LARP1B: variants seen among roughly 807,000 people sequenced by gnomAD.
The protein encoded by LARP1B is la-related protein 1B.
Under a neutral mutation model 114.2 loss-of-function variants are expected in LARP1B, and 76 were observed. That is an observed-to-expected ratio of 0.67 (90% CI 0.55 to 0.81). The LOEUF is 0.81. Among genes scored for constraint, LARP1B ranks in the 30% least tolerant of loss-of-function variants. LARP1B has a pLI of 0.00. For missense variants in LARP1B, 1,014 were observed against 1,075.8 expected (o/e 0.94, Z 0.80); for synonymous variants, 345 against 348.0 (o/e 0.99, Z 0.10).
At chr4:128,207,416 A>G in intron 19 of LARP1B, 33 bp downstream of exon 19, 1 of 1,388,050 alleles carries the variant, frequency 7.2e-7, no homozygotes, top group Non-Finnish European at 9.5e-7. Context: ...TATTCTTTTT[A>G]TTATCCATAT....
intron 3 of LARP1B, among the ~76,000 whole-genome samples, chr4:128,076,616 G>A (rs1018371780): frequency 6.6e-6 from 1 of 152,112 alleles, no homozygotes; most frequent in Non-Finnish European, 1.5e-5. Flanking sequence ...ATGTAACTAG[G>A]TTGGATCACT....
chr4:128,153,009 T>G (rs1391940561), intron 11 of LARP1B, among the ~76,000 whole-genome samples: 17 of 137,342 alleles, frequency 1.2e-4, no homozygotes, highest in African/African-American at 4.4e-4. Context: ...TGAGATGGAG[T>G]TTTGCTCTTG....
intron 17 of LARP1B, 43 bp from the exon 18 acceptor site, chr4:128,206,385 A>C: frequency 1.8e-6 from 2 of 1,140,024 alleles, no homozygotes; most frequent in Non-Finnish European, 2.5e-6. Flanking sequence ...CTAACTATAG[A>C]GATATTGTAT....
intron 5 of LARP1B, among the ~76,000 whole-genome samples, chr4:128,084,371 C>T (rs970468109): frequency 7.9e-5 from 12 of 152,380 alleles, no homozygotes; most frequent in African/African-American, 2.4e-4. Context: ...TCTGCAATCC[C>T]GGCACCTCCG....
intron 1 of LARP1B, among the ~76,000 whole-genome samples, chr4:128,065,360 C>CTTTCT (rs1762388240): frequency 1.7e-5 from 2 of 118,160 alleles, no homozygotes; most frequent in Non-Finnish European, 3.6e-5. Context: ...CTTTTCTTTT[C>CTTTCT]TTTTCTTTTC....
At chr4:128,146,269 G>A (rs1330296493) in intron 11 of LARP1B, among the ~76,000 whole-genome samples, 3 of 152,100 alleles carry the variant, frequency 2.0e-5, no homozygotes, top group Non-Finnish European at 2.9e-5. Context: ...GTATACAGTG[G>A]TATGGTATTT....
intron 11 of LARP1B, among the ~76,000 whole-genome samples, chr4:128,137,791 A>ATATATAT (rs1414155026): frequency 2.2e-4 from 14 of 63,562 alleles, no homozygotes; most frequent in African/African-American, 6.7e-4. Flanking sequence ...ATATATATAT[A>ATATATAT]TTTTTTTTTT....
chr4:128,213,209 T>A (rs1759228650), downstream of LARP1B, among the ~76,000 whole-genome samples: 1 of 152,108 alleles, frequency 6.6e-6, no homozygotes, highest in African/African-American at 2.4e-5. Context: ...CCACTGCGCC[T>A]GGCCACTAAA....
chr4:128,070,114 C>T (rs768631098), intron 1 of LARP1B, among the ~76,000 whole-genome samples: 1 of 151,588 alleles, frequency 6.6e-6, no homozygotes, highest in Non-Finnish European at 1.5e-5. Context: ...GTCGGGAAAT[C>T]GAGACCATCC....
intron 11 of LARP1B, chr4:128,155,634 C>T (rs1735193907): frequency 7.2e-7 from 1 of 1,388,362 alleles, no homozygotes; most frequent in African/African-American, 1.4e-5. Flanking sequence ...AGCCAGGAGC[C>T]ATCCGGGCCC....
chr4:128,126,156 C>G (rs1789536683), intron 11 of LARP1B, among the ~76,000 whole-genome samples: 1 of 141,584 alleles, frequency 7.1e-6, no homozygotes, highest in Non-Finnish European at 1.5e-5. Flanking sequence ...GAGTCTCTCT[C>G]CGTCACCCAG....
intron 11 of LARP1B, among the ~76,000 whole-genome samples, chr4:128,136,389 T>TA (rs1445954685): frequency 6.6e-6 from 1 of 151,952 alleles, no homozygotes; most frequent in Non-Finnish European, 1.5e-5. Context: ...ATGGAAGACT[T>TA]ACAAAGTTGA....
rs571421028 is a variant in LARP1B, at chr4:128,122,339, A to T, written c.1524+151A>T. The T allele has an allele frequency of 4.7e-5, 69 of 1,463,878 alleles. No individual in the cohort carries two copies. In the East Asian group the frequency reaches 1.7e-3, roughly 35 times the overall value. 90.7% of individuals were successfully genotyped at this position (1,463,878 alleles called of 1,614,324 possible). On this transcript the variant is annotated intron_variant, in intron 11 of 19. Transcript: ENST00000326639. ...TGAAAAATTCCTGGAAATATACCTG[A>T]TAATTACCACCTGAGGAATCGTTTT...
intron 12 of LARP1B, among the ~76,000 whole-genome samples, chr4:128,175,579 C>G (rs925004109): frequency 6.6e-6 from 1 of 152,122 alleles, no homozygotes; most frequent in East Asian, 1.9e-4. Context: ...CCTTTACAGA[C>G]AAGGAAGGAT....
At chr4:128,135,350 A>C (rs1175547250) in intron 11 of LARP1B, among the ~76,000 whole-genome samples, 1 of 152,162 alleles carries the variant, frequency 6.6e-6, no homozygotes, top group Admixed American at 6.5e-5. Flanking sequence ...GCCCTTATGG[A>C]ATACAGGATG....
intron 17 of LARP1B, among the ~76,000 whole-genome samples, chr4:128,202,687 C>T (rs759957779): frequency 1.3e-5 from 2 of 152,188 alleles, no homozygotes; most frequent in Admixed American, 6.5e-5. Flanking sequence ...TGTTCCTATA[C>T]ACATACCTCT....
At position 128,199,179 on chromosome 4, in the gene LARP1B, C is replaced by T. The variant is rs1755158898; in HGVS notation, c.2004-260C>T. ...TGATTTGGAGGAGGAATGAGCTATTCAGTTATCTGCTTCTGCTTAAACTGT... is the reference window on the plus strand; with the variant it reads ...TGATTTGGAGGAGGAATGAGCTATTTAGTTATCTGCTTCTGCTTAAACTGT... On this transcript the variant is annotated intron_variant, in intron 15 of 19. Coordinates refer to ENST00000326639, the MANE Select transcript of LARP1B (RefSeq NM_018078.4). Among the ~76,000 whole-genome samples the T allele has an allele frequency of 2.0e-5, 3 of 152,166 alleles. No individual in the cohort carries two copies. The South Asian group carries it at 6.2e-4, about 32-fold the overall frequency.
chr4:128,212,142 G>A (rs1759078529), downstream of LARP1B, among the ~76,000 whole-genome samples: 1 of 151,718 alleles, frequency 6.6e-6, no homozygotes, highest in African/African-American at 2.4e-5. Context: ...TGAACTCCTG[G>A]TCTCAAGTGA....
At chr4:128,098,047 T>C (rs552780336) in intron 7 of LARP1B, 139 bp from the exon 8 acceptor site, 241 of 585,594 alleles carry the variant, frequency 4.1e-4, no homozygotes, top group Non-Finnish European at 6.7e-4. Flanking sequence ...CCTATCTGTG[T>C]TGTATTAGAG....
Sources: gnomAD v4.1 joint callset for allele counts (sites outside exome capture counted in the v4.1 genomes callset) on GRCh38, gnomAD v4.1.1 for gene constraint, MANE v1.5 for transcripts, NCBI Gene and HGNC (gene_info 2026-07-23, HGNC 2026-07-21) for gene names.